The following NKAIN2 variants were observed in gnomAD, a reference collection of about 807,000 sequenced individuals.
NKAIN2 encodes the protein sodium/potassium-transporting ATPase subunit beta-1-interacting protein 2.
A neutral mutation model predicts 32.6 loss-of-function variants in NKAIN2; 14 were observed. The ratio of observed to expected loss-of-function variants is 0.43; its 90% confidence interval spans 0.28 to 0.67. NKAIN2 has a LOEUF of 0.67. NKAIN2 is among the 30% of genes least tolerant of loss of function. The pLI is 0.17. For missense variants in NKAIN2, 198 were observed against 258.3 expected (o/e 0.77, Z 1.60); for synonymous variants, 80 against 87.2 (o/e 0.92, Z 0.46).
At chr6:124,359,304 T>C (rs1327291547) in intron 3 of NKAIN2, among the ~76,000 whole-genome samples, 2 of 152,212 alleles carry the variant, frequency 1.3e-5, no homozygotes, top group African/African-American at 4.8e-5. Context: ...TCCAATTCTG[T>C]GAAGAAAGTC....
chr6:124,254,856 C>A (rs753134170), intron 1 of NKAIN2, among the ~76,000 whole-genome samples: 17 of 152,206 alleles, frequency 1.1e-4, no homozygotes, highest in Non-Finnish European at 2.4e-4. Flanking sequence ...TGCTTCATCT[C>A]TTCATGAACA....
At chr6:123,985,228 G>A (rs1455229731) in intron 1 of NKAIN2, among the ~76,000 whole-genome samples, 2 of 152,042 alleles carry the variant, frequency 1.3e-5, no homozygotes, top group African/African-American at 4.8e-5. Flanking sequence ...ATGAAACCCC[G>A]TTTCTACTAA....
intron 1 of NKAIN2, among the ~76,000 whole-genome samples, chr6:124,015,317 C>G (rs933972832): frequency 6.6e-6 from 1 of 152,080 alleles, no homozygotes; most frequent in African/African-American, 2.4e-5. Context: ...GAGTTCTCAC[C>G]AAAGCCTCCT....
In NKAIN2 at chr6:124,453,845, T is replaced by C. The variant is rs183528256; in HGVS notation, c.273+98498T>C. On this transcript the variant is annotated intron_variant, in intron 3 of 6. Coordinates refer to ENST00000368417, the MANE Select transcript of NKAIN2 (RefSeq NM_001040214.3). ...ATGATTAATAGATCTAGACCCATCA[T>C]ATAGTTAAAAAAAGTATTGATTTCT... Among the ~76,000 whole-genome samples the C allele has an allele frequency of 3.1e-4, 47 of 152,196 alleles. 1 individual carries two copies. In the East Asian group the frequency reaches 8.5e-3, roughly 28 times the overall value.
intron 3 of NKAIN2, among the ~76,000 whole-genome samples, chr6:124,590,007 C>T (rs543296380): frequency 9.8e-5 from 15 of 152,300 alleles, no homozygotes; most frequent in African/African-American, 3.6e-4. Context: ...GTCCTCTCCT[C>T]ATTGCTGGCA....
intron 1 of NKAIN2, among the ~76,000 whole-genome samples, chr6:124,221,412 G>C (rs1399175892): frequency 1.6e-5 from 2 of 122,582 alleles, no homozygotes; most frequent in African/African-American, 3.0e-5. Context: ...GTTGTGGGGT[G>C]AGGGGAGGGG....
At chr6:124,008,274 T>A (rs925999345) in intron 1 of NKAIN2, among the ~76,000 whole-genome samples, 1 of 152,214 alleles carries the variant, frequency 6.6e-6, no homozygotes, top group African/African-American at 2.4e-5. Context: ...TATTTACATA[T>A]GTTAGTTTTT....
chr6:124,559,944 C>T (rs749256232), intron 3 of NKAIN2, among the ~76,000 whole-genome samples: 10 of 143,352 alleles, frequency 7.0e-5, no homozygotes, highest in Non-Finnish European at 1.2e-4. Flanking sequence ...GCCCACACTT[C>T]GGCTTATGTT....
chr6:123,881,064 T>C (rs1159996710), intron 1 of NKAIN2, among the ~76,000 whole-genome samples: 1 of 152,146 alleles, frequency 6.6e-6, no homozygotes, highest in Admixed American at 6.5e-5. Flanking sequence ...TTTTGTCACC[T>C]AGGCTGTTGG....
At chr6:124,488,344 G>A (rs1268038937) in intron 3 of NKAIN2, among the ~76,000 whole-genome samples, 6 of 151,844 alleles carry the variant, frequency 4.0e-5, no homozygotes, top group Non-Finnish European at 8.8e-5. Context: ...AGCCATAACC[G>A]TATCCAGGCA....
chr6:124,289,205 A>G (rs1408453405), intron 2 of NKAIN2, among the ~76,000 whole-genome samples: 1 of 152,168 alleles, frequency 6.6e-6, no homozygotes, highest in Non-Finnish European at 1.5e-5. Context: ...GTATTTTCTG[A>G]TTAATGCTGA....
intron 3 of NKAIN2, among the ~76,000 whole-genome samples, chr6:124,495,287 T>G (rs1778021116): frequency 6.6e-6 from 1 of 152,172 alleles, no homozygotes; most frequent in African/African-American, 2.4e-5. Flanking sequence ...TTAAAAAATT[T>G]TCTTAAGAGT....
intron 3 of NKAIN2, among the ~76,000 whole-genome samples, chr6:124,442,063 T>A (rs1411821719): frequency 6.6e-6 from 1 of 151,980 alleles, no homozygotes; most frequent in Non-Finnish European, 1.5e-5. Context: ...ATATGAAGAT[T>A]TTAAATATAG....
chr6:123,941,908 C>T (rs1186715727), intron 1 of NKAIN2, among the ~76,000 whole-genome samples: 3 of 151,854 alleles, frequency 2.0e-5, no homozygotes, highest in Non-Finnish European at 2.9e-5. Context: ...AGATTCTATC[C>T]TTGGACTTCA....
At chr6:124,243,394 CTGAGGTAAG>C (rs1424875590) in intron 1 of NKAIN2, among the ~76,000 whole-genome samples, 1 of 151,774 alleles carries the variant, frequency 6.6e-6, no homozygotes, top group African/African-American at 2.4e-5. Context: ...ACTTGGCAGG[CTGAGGTAAG>C]AGAATAACTT....
At chr6:124,013,070 C>T (rs1780409889) in intron 1 of NKAIN2, among the ~76,000 whole-genome samples, 1 of 152,096 alleles carries the variant, frequency 6.6e-6, no homozygotes, top group African/African-American at 2.4e-5. Flanking sequence ...ATTTCCATTT[C>T]CTTAATAACT....
At position 124,684,736 on chromosome 6, in the gene NKAIN2, C is replaced by T. The variant is rs545621888; in HGVS notation, c.474+26350C>T. 2.6e-5 allele frequency among the ~76,000 whole-genome samples: 4 copies of T among 152,260 alleles called. No individual in the cohort carries two copies. In the East Asian group the frequency reaches 7.7e-4, roughly 29 times the overall value. ...AGCCTCATTCATTAGTTCAGCCATT[C>T]AGTCACTTAACTAGAATTCATTGAG... On this transcript the variant is annotated intron_variant, in intron 4 of 6. Transcript: ENST00000368417.
intron 3 of NKAIN2, among the ~76,000 whole-genome samples, chr6:124,528,323 G>C (rs779358688): frequency 4.5e-4 from 69 of 152,146 alleles, no homozygotes; most frequent in Non-Finnish European, 8.5e-4. Flanking sequence ...TTGCCCTAAG[G>C]TTCTCTTATT....
rs184213270 is a variant in NKAIN2, at chr6:124,093,539, A to G, written c.55-189466A>G. 2.0e-5 allele frequency among the ~76,000 whole-genome samples: 3 copies of G among 152,274 alleles called. No individual in the cohort carries two copies. In the East Asian group the frequency reaches 5.8e-4, roughly 29 times the overall value. On this transcript the variant is annotated intron_variant, in intron 1 of 6. Coordinates refer to ENST00000368417, the MANE Select transcript of NKAIN2 (RefSeq NM_001040214.3). ...TTGTTATTATTATTAACATGTTCAA[A>G]GACAGTTTGGAGTAATCCTGTAAAT...
Sources: gnomAD v4.1 joint callset for allele counts (sites outside exome capture counted in the v4.1 genomes callset) on GRCh38, gnomAD v4.1.1 for gene constraint, MANE v1.5 for transcripts, NCBI Gene and HGNC (gene_info 2026-07-23, HGNC 2026-07-21) for gene names.